The following GNAO1 variants were observed in gnomAD, a reference collection of about 807,000 sequenced individuals.
GNAO1 encodes the protein G protein subunit alpha o1, also known as guanine nucleotide-binding protein G(o) subunit alpha.
For synonymous variants in GNAO1, 164 were observed against 180.7 expected (o/e 0.91, Z 0.74); for missense variants, 166 against 478.7 (o/e 0.35, Z 6.10).
chr16:56,228,276 C>A (rs2036552844), intron 2 of GNAO1, among the ~76,000 whole-genome samples: 1 of 152,098 alleles, frequency 6.6e-6, no homozygotes. Context: ...CCGAGACATA[C>A]CCAGAGAGTG....
intron 6 of GNAO1, among the ~76,000 whole-genome samples, chr16:56,348,470 C>A (rs942605536): frequency 7.2e-5 from 11 of 152,244 alleles, no homozygotes; most frequent in Non-Finnish European, 1.5e-4. Flanking sequence ...CTGTGGGTGA[C>A]GTGGCAGTGG....
chr16:56,270,560 G>C (rs1303630308), intron 2 of GNAO1: 1 of 152,102 alleles, frequency 6.6e-6, no homozygotes, highest in Non-Finnish European at 1.5e-5. Context: ...CTTTATCCAA[G>C]CACTGTCTGG....
At chr16:56,276,650 T>C (rs1156232585) in intron 3 of GNAO1, 1 of 152,786 alleles carries the variant, frequency 6.5e-6, no homozygotes, top group African/African-American at 2.4e-5. Context: ...TATTAAGTGG[T>C]GAATGGAATA....
intron 2 of GNAO1, among the ~76,000 whole-genome samples, chr16:56,239,203 A>G (rs2036670965): frequency 6.6e-6 from 1 of 152,214 alleles, no homozygotes. Flanking sequence ...AGCTGTGATT[A>G]TGAGTGCCCA....
intron 2 of GNAO1, among the ~76,000 whole-genome samples, chr16:56,253,999 A>G (rs951814600): frequency 5.3e-5 from 8 of 151,964 alleles, no homozygotes; most frequent in Non-Finnish European, 1.5e-5. Flanking sequence ...TTTTCTTCAA[A>G]TCTGGTTTTA....
At chr16:56,334,572 C>T (rs1401457503) in intron 4 of GNAO1, among the ~76,000 whole-genome samples, 157 bp from the exon 5 acceptor site, 1 of 152,174 alleles carries the variant, frequency 6.6e-6, no homozygotes, top group East Asian at 1.9e-4. Context: ...TCCTCAGTCG[C>T]CCCCACTCCC....
In GNAO1 at chr16:56,351,440, C is replaced by A; in HGVS notation, c.780C>A (p.Phe260Leu). ...ACTCCATCTGTAACAACAAGTTCTT[C>A]ATCGATACCTCCATCATTCTCTTCC... ...LFDSICNNKFFIDTSIILFLN... is the reference protein window; with the variant it reads ...LFDSICNNKFLIDTSIILFLN... Residue 260 changes from phenylalanine to leucine, a missense_variant, in exon 7 of 9, where the codon TTC becomes TTA. Transcript: ENST00000262493. This position sits in a 1 kb window ranked among gnomAD's most constrained non-coding sequence, Gnocchi z 6.1. 1 of 1,610,470 alleles carries A rather than the reference C, an allele frequency of 6.2e-7. No individual in the cohort carries two copies. The highest frequency in any genetic ancestry group is 8.5e-7 in the Non-Finnish European group (1 of 1,176,620).
At chr16:56,259,780 AG>A (rs1447469079) in intron 2 of GNAO1, among the ~76,000 whole-genome samples, 1 of 152,226 alleles carries the variant, frequency 6.6e-6, no homozygotes, top group Non-Finnish European at 1.5e-5. Flanking sequence ...ACTCAGGGCC[AG>A]TGTGACAACA....
rs2037953190 is a variant in GNAO1 at position 56,354,813 on chromosome 16, C to T, written c.878-53C>T. On this transcript the variant is annotated intron_variant, in intron 7 of 8. Transcript: ENST00000262493. This position sits in a 1 kb window ranked among gnomAD's most constrained non-coding sequence, Gnocchi z 4.3. ...CTTGTCTTCATGTCCCCAGCCCTGT[C>T]CACCCACAGCGCTCATCAGGGCCTC... 1 of 1,126,374 alleles carries T rather than the reference C, an allele frequency of 8.9e-7. No individual in the cohort carries two copies. Among genetic ancestry groups the T allele is most frequent in the African/African-American group, 1.5e-5 (1 of 65,490 alleles). The allele number at this position is 1,126,374 out of a possible 1,614,324, so 69.8% of individuals were successfully genotyped here.
chr16:56,257,372 C>T (rs1391785734), intron 2 of GNAO1, among the ~76,000 whole-genome samples: 4 of 152,172 alleles, frequency 2.6e-5, no homozygotes, highest in African/African-American at 7.2e-5. Context: ...GTCTTTGCAT[C>T]GGCTAGCTCA....
intron 2 of GNAO1, among the ~76,000 whole-genome samples, chr16:56,230,720 A>G (rs2036581893): frequency 6.6e-6 from 1 of 152,162 alleles, no homozygotes; most frequent in Non-Finnish European, 1.5e-5. Flanking sequence ...TCCAGACTCC[A>G]GGATTTCCAT....
At chr16:56,269,946 GC>G (rs1338282857) in intron 2 of GNAO1, among the ~76,000 whole-genome samples, 10 of 152,168 alleles carry the variant, frequency 6.6e-5, no homozygotes, top group African/African-American at 2.4e-4. Context: ...AGGCCAGCAT[GC>G]CTGGGGAGTC....
At chr16:56,242,118 C>T (rs1336177272) in intron 2 of GNAO1, among the ~76,000 whole-genome samples, 8 of 152,190 alleles carry the variant, frequency 5.3e-5, no homozygotes, top group African/African-American at 1.9e-4. Context: ...TGGACTCTCA[C>T]TGCATTCTGG....
At chr16:56,309,777 G>C (rs1408588903) in intron 3 of GNAO1, among the ~76,000 whole-genome samples, 4 of 147,958 alleles carry the variant, frequency 2.7e-5, no homozygotes, top group Non-Finnish European at 6.1e-5. Context: ...CATAGCTGAG[G>C]AATGTGCAGC....
At chr16:56,342,789 A>G (rs2037818640) in intron 6 of GNAO1, among the ~76,000 whole-genome samples, 1 of 152,154 alleles carries the variant, frequency 6.6e-6, no homozygotes, top group Non-Finnish European at 1.5e-5. Flanking sequence ...CTTGCTCATG[A>G]CCCATGATAA....
rs146763501 is a variant in GNAO1, at chr16:56,322,055, G to A, written c.304-6576G>A. ...TTCTCTTAGACGGCCCCTTCTTGCTGCGTCCTCACGTGGTGGAAGGGGTGT... is the reference window on the plus strand; with the variant it reads ...TTCTCTTAGACGGCCCCTTCTTGCTACGTCCTCACGTGGTGGAAGGGGTGT... On this transcript the variant is annotated intron_variant, in intron 3 of 8. Coordinates refer to ENST00000262493, the MANE Select transcript of GNAO1 (RefSeq NM_020988.3). Among the ~76,000 whole-genome samples, 233 of 152,304 alleles carry A rather than the reference G, an allele frequency of 1.5e-3. 1 individual carries two copies. The East Asian group carries it at 0.019, about 13-fold the overall frequency.
chr16:56,289,497 G>T (rs868312079), intron 3 of GNAO1, among the ~76,000 whole-genome samples: 2 of 152,228 alleles, frequency 1.3e-5, no homozygotes, highest in Non-Finnish European at 2.9e-5. Flanking sequence ...ACTGTCAAGT[G>T]TTAACACTGC....
chr16:56,235,654 C>A (rs1243739390), intron 2 of GNAO1, among the ~76,000 whole-genome samples: 4 of 152,166 alleles, frequency 2.6e-5, no homozygotes, highest in Non-Finnish European at 5.9e-5. Flanking sequence ...TCCCAGGCCT[C>A]CCTGGATAAT....
intron 3 of GNAO1, among the ~76,000 whole-genome samples, chr16:56,319,887 G>A (rs1178411491): frequency 6.6e-6 from 1 of 152,028 alleles, no homozygotes; most frequent in African/African-American, 2.4e-5. Context: ...CTGCTGACAG[G>A]TGCCATGCAA....
Sources: allele counts gnomAD v4.1 joint callset (sites outside exome capture counted in the v4.1 genomes callset), GRCh38; gene constraint gnomAD v4.1.1; non-coding constraint Gnocchi (gnomAD v3.1); transcripts MANE v1.5; gene names NCBI Gene and HGNC (gene_info 2026-07-23, HGNC 2026-07-21).